Variants in SFPQ observed in about 807,000 individuals in gnomAD.
SFPQ encodes splicing factor, proline- and glutamine-rich.
In SFPQ, 11 loss-of-function variants were observed where a neutral mutation model predicts 72.9. The observed-to-expected ratio is 0.15, with a 90% CI of 0.09 to 0.25. The LOEUF (loss-of-function observed/expected upper bound fraction) is 0.25, where lower values mean the gene tolerates loss of function less well. Among genes scored for constraint, SFPQ ranks in the 10% least tolerant of loss-of-function variants. The pLI is 1.00. For synonymous variants in SFPQ, 506 were observed against 367.3 expected, an observed-to-expected ratio of 1.38 and a Z score of -4.32; for missense variants, 847 against 993.3, an observed-to-expected ratio of 0.85 and a Z score of 1.98.
Position 35,184,316 on chromosome 1 carries a change from C to A in SFPQ, c.*140G>T. Reference sequence around the variant, plus strand: ...CATTACATAATTTTACCTGCCCAAACAGACCATTTACAAATATTAGGTCAA... The same window carrying A: ...CATTACATAATTTTACCTGCCCAAAAAGACCATTTACAAATATTAGGTCAA... On this transcript the variant is annotated 3_prime_UTR_variant, in exon 10 of 10. Coordinates refer to ENST00000357214, the MANE Select transcript of SFPQ (RefSeq NM_005066.3). The A allele has an allele frequency of 6.8e-7, 1 of 1,477,116 alleles. No homozygotes were observed. 91.5% of individuals were successfully genotyped at this position (1,477,116 alleles called of 1,614,324 possible). A position where few individuals can be genotyped will look rare whatever the true frequency, so the allele number is the denominator to read the frequency against.
chr1:35,188,528 A>G (rs1177455387), intron 6 of SFPQ, among the ~76,000 whole-genome samples: 1 of 152,182 alleles, frequency 6.6e-6, no homozygotes, highest in Non-Finnish European at 1.5e-5. Flanking sequence ...AAAAAAATTA[A>G]AAAATTAGCT....
Position 35,188,645 on chromosome 1 carries a change from G to A in SFPQ, c.1697+358C>T, listed in dbSNP as rs543229841. 3.9e-5 allele frequency among the ~76,000 whole-genome samples: 6 copies of A among 152,190 alleles called. No individual in the cohort carries two copies. In the South Asian group the frequency reaches 1.0e-3, roughly 26 times the overall value. ...GATCATGCCACTGCACTTCAGCCTG[G>A]GCCCATCTCAAAAAAGGAAGAAAAA... On this transcript the variant is annotated intron_variant, in intron 6 of 9. Transcript: ENST00000357214.
intron 1 of SFPQ, 149 bp from the exon 2 acceptor site, chr1:35,191,678 G>T (rs1640005315): frequency 1.6e-6 from 1 of 625,476 alleles, no homozygotes; most frequent in Admixed American, 3.0e-5. Context: ...TTTCTAACAT[G>T]AGCACTATCT....
chr1:35,179,485 G>A (rs984212842), downstream of SFPQ: 10 of 1,054,780 alleles, frequency 9.5e-6, no homozygotes, highest in Non-Finnish European at 4.6e-6. Flanking sequence ...AAATAATTTT[G>A]GTTTGTAACA....
downstream of SFPQ, chr1:35,181,564 TAA>T (rs1639467601): frequency 4.7e-6 from 5 of 1,061,932 alleles, no homozygotes; most frequent in Non-Finnish European, 3.4e-6. Flanking sequence ...GCTATGCTTA[TAA>T]AATACCTATT....
chr1:35,190,428 A>G lies in SFPQ; in HGVS notation c.1415+70T>C. Reference sequence around the variant, plus strand: ...TTTTGCATATTTTAAGCAAAATTGGAAAATCACTAAAATAAATTTAACCTT... The same window carrying G: ...TTTTGCATATTTTAAGCAAAATTGGGAAATCACTAAAATAAATTTAACCTT... On this transcript the variant is annotated intron_variant, in intron 4 of 9. Coordinates refer to ENST00000357214, the MANE Select transcript of SFPQ (RefSeq NM_005066.3). 8 of 1,127,024 alleles carry G rather than the reference A, an allele frequency of 7.1e-6. No individual in the cohort carries two copies. In the South Asian group the frequency reaches 8.4e-5, roughly 12 times the overall value. The allele number at this position is 1,127,024 out of a possible 1,614,324, so 69.8% of individuals were successfully genotyped here.
At chr1:35,187,319 A>ATTC in intron 7 of SFPQ, 68 bp from the exon 8 acceptor site, 1 of 1,390,152 alleles carries the variant, frequency 7.2e-7, no homozygotes, top group Non-Finnish European at 1.0e-6. Context: ...AAGAACTGAG[A>ATTC]AATTTTCAAG....
chr1:35,190,815 C>A lies in SFPQ; in HGVS notation c.1198G>T (p.Ala400Ser). ...CCACGATCATCCACTATTACAACAG[C>A]CCTTTCAATAGGACCAAATTGGCTA... is the stretch of plus-strand genomic sequence containing the variant. ...AFSQFGPIERAVVIVDDRGRS... is the reference protein window; with the variant it reads ...AFSQFGPIERSVVIVDDRGRS... Residue 400 changes from alanine to serine, a missense_variant, in exon 3 of 10, where the codon GCT becomes TCT. Around this residue, in one of 6 missense-constraint regions of SFPQ, gnomAD observed 132 missense variants for 255.4 expected, o/e 0.52. Coordinates refer to ENST00000357214, the MANE Select transcript of SFPQ (RefSeq NM_005066.3). The A allele has an allele frequency of 6.2e-7, 1 of 1,614,176 alleles. No homozygotes were observed. The highest frequency in any genetic ancestry group is 8.5e-7 in the Non-Finnish European group (1 of 1,180,032).
downstream of SFPQ, chr1:35,179,039 A>G: frequency 9.4e-7 from 1 of 1,059,154 alleles, no homozygotes; most frequent in Non-Finnish European, 1.1e-6. Flanking sequence ...GGAGCAGTCA[A>G]ATCCTCTGAA....
In SFPQ at chr1:35,187,025, A is replaced by G. The variant is rs1234298020; in HGVS notation, c.1962T>C (p.Ser654=). The G allele has an allele frequency of 6.2e-7, 1 of 1,613,990 alleles. No homozygotes were observed. The highest frequency in any genetic ancestry group is 2.2e-5 in the East Asian group (1 of 44,874). The part of the protein sequence containing the change: ...ANPGVPPATM[S]GSMMGSDMRT... ...CCATGTCACTTCCCATCATGGAACCACTCATGGTTGCTGGTGGAACGCCAG... is the reference window on the plus strand; with the variant it reads ...CCATGTCACTTCCCATCATGGAACCGCTCATGGTTGCTGGTGGAACGCCAG... Residue 654 remains serine (S), a synonymous_variant, in exon 9 of 10, where the codon AGT becomes AGC. Transcript: ENST00000357214.
At position 35,183,116 on chromosome 1, in the gene SFPQ, A is replaced by AAT; in HGVS notation, c.*1338_*1339dup. ...CACCACTAGCTCTTAGAAGAGAACC[A>AAT]ATAGATTTTTATAGTCCTATAGATT... On this transcript the variant is annotated 3_prime_UTR_variant, in exon 10 of 10. Coordinates refer to ENST00000357214, the MANE Select transcript of SFPQ (RefSeq NM_005066.3). The AAT allele has an allele frequency of 3.9e-6, 4 of 1,030,114 alleles. No individual in the cohort carries two copies. Among genetic ancestry groups the AAT allele is most frequent in the Non-Finnish European group, 4.7e-6 (4 of 857,038 alleles). 63.8% of individuals were successfully genotyped at this position (1,030,114 alleles called of 1,614,324 possible).
Position 35,192,441 on chromosome 1 carries a change from A to C in SFPQ, c.609T>G (p.Gly203=), listed in dbSNP as rs1640067131. ...GPGPGPKQGP[G]PGGPKGGKMP... ...TTTTGCCGCCTTTGGGACCACCCGG[A>C]CCTGGGCCCTGCTTAGGCCCTGGAC... The change falls in exon 1 of 10, where the codon GGT becomes GGG. Residue 203 remains glycine (G), a synonymous_variant. Coordinates refer to ENST00000357214, the MANE Select transcript of SFPQ (RefSeq NM_005066.3). 7.1e-7 allele frequency: 1 copy of C among 1,410,848 alleles called. No individual in the cohort carries two copies. Among genetic ancestry groups the C allele is most frequent in the Non-Finnish European group, 9.2e-7 (1 of 1,091,422 alleles). 87.4% of individuals were successfully genotyped at this position (1,410,848 alleles called of 1,614,324 possible).
At chr1:35,176,882 A>T (rs1216866062) in intron 5 of SFPQ, among the ~76,000 whole-genome samples, 1 of 151,726 alleles carries the variant, frequency 6.6e-6, no homozygotes, top group African/African-American at 2.4e-5. Flanking sequence ...TCAAAAAAAA[A>T]AAAAAAAATC....
chr1:35,183,977 T>C lies in SFPQ; in HGVS notation c.*479A>G, dbSNP rs992656643. On this transcript the variant is annotated 3_prime_UTR_variant, in exon 10 of 10. Transcript: ENST00000357214. ...TTTTAAAACAAAGGGGGCAATTATT[T>C]GTAGAAAGCAATACTTAGCCTCCAG... 1 of 1,054,462 alleles carries C rather than the reference T, an allele frequency of 9.5e-7. No homozygotes were observed. Among genetic ancestry groups the C allele is most frequent in the Non-Finnish European group, 1.1e-6 (1 of 872,332 alleles). 65.3% of individuals were successfully genotyped at this position (1,054,462 alleles called of 1,614,324 possible). A position where few individuals can be genotyped will look rare whatever the true frequency, so the allele number is the denominator to read the frequency against.
intron 4 of SFPQ, 31 bp from the exon 5 acceptor site, chr1:35,189,413 G>C (rs2101972): frequency 6.5e-7 from 1 of 1,540,996 alleles, no homozygotes; most frequent in Non-Finnish European, 9.0e-7. Context: ...AACATGAACC[G>C]ATTTGTGAAT....
intron 4 of SFPQ, 132 bp from the exon 5 acceptor site, chr1:35,189,514 CTA>C (rs1306724409): frequency 1.6e-6 from 1 of 613,128 alleles, no homozygotes; most frequent in East Asian, 2.8e-5. Context: ...CCTGATTCAT[CTA>C]TAAATATCTT....
At chr1:35,191,018 T>C in intron 2 of SFPQ, 23 bp from the exon 3 acceptor site, 1 of 1,595,632 alleles carries the variant, frequency 6.3e-7, no homozygotes. Flanking sequence ...GACACTCATG[T>C]TAATGACCTC....
At chr1:35,176,746 C>A (rs1055779513) in intron 5 of SFPQ, among the ~76,000 whole-genome samples, 1 of 151,580 alleles carries the variant, frequency 6.6e-6, no homozygotes, top group African/African-American at 2.4e-5. Flanking sequence ...GTGTGGCGGG[C>A]GCCTGCAGTC....
intron 5 of SFPQ, among the ~76,000 whole-genome samples, chr1:35,176,934 G>T (rs1170454669): frequency 6.6e-6 from 1 of 151,926 alleles, no homozygotes; most frequent in Non-Finnish European, 1.5e-5. Context: ...GTAATTAACA[G>T]GCAGGGCGGA....
Sources: gnomAD v4.1 joint callset for allele counts (sites outside exome capture counted in the v4.1 genomes callset) on GRCh38, gnomAD v4.1.1 for gene constraint, gnomAD v4.1.1 regional missense constraint, MANE v1.5 for transcripts, NCBI Gene and HGNC (gene_info 2026-07-23, HGNC 2026-07-21) for gene names.